Variants in MAN1A1 observed in about 807,000 individuals in gnomAD.
MAN1A1 encodes mannosyl-oligosaccharide 1,2-alpha-mannosidase IA.
A neutral mutation model predicts 70.8 loss-of-function variants in MAN1A1; 29 were observed. That is an observed-to-expected ratio of 0.41 (90% CI 0.31 to 0.56). The LOEUF (loss-of-function observed/expected upper bound fraction) is 0.56. Among genes scored for constraint, MAN1A1 ranks in the 20% least tolerant of loss-of-function variants. MAN1A1 has a pLI of 0.29. For missense variants in MAN1A1, 747 were observed against 841.3 expected (o/e 0.89, Z 1.39); for synonymous variants, 349 against 330.1 (o/e 1.06, Z -0.62).
chr6:119,275,048 A>G (rs1436327626), intron 5 of MAN1A1, among the ~76,000 whole-genome samples: 2 of 152,134 alleles, frequency 1.3e-5, no homozygotes, highest in African/African-American at 2.4e-5. Context: ...TTTAGTTTTC[A>G]TAACTTAATT....
At chr6:119,210,922 C>T (rs764352406) in intron 6 of MAN1A1, 1 of 456,186 alleles carries the variant, frequency 2.2e-6, no homozygotes, top group South Asian at 1.6e-5. Context: ...TGGGATATTG[C>T]ACATCCACCT....
intron 2 of MAN1A1, among the ~76,000 whole-genome samples, chr6:119,325,611 T>C (rs559925144): frequency 1.3e-5 from 2 of 152,160 alleles, no homozygotes; most frequent in South Asian, 4.2e-4. Context: ...GAGTTGAGAT[T>C]GCACCACTGC....
At chr6:119,295,964 C>T (rs893614117) in intron 4 of MAN1A1, among the ~76,000 whole-genome samples, 21 of 152,156 alleles carry the variant, frequency 1.4e-4, no homozygotes, top group Non-Finnish European at 2.8e-4. Context: ...CAACATGAGA[C>T]TTTTCAAAAC....
intron 2 of MAN1A1, among the ~76,000 whole-genome samples, chr6:119,314,167 G>A (rs1273258649): frequency 2.0e-5 from 3 of 152,164 alleles, no homozygotes; most frequent in Admixed American, 2.0e-4. Flanking sequence ...CTGCCCTTCA[G>A]GGCCAGCTTC....
chr6:119,291,720 T>C (rs1367209440), intron 4 of MAN1A1, among the ~76,000 whole-genome samples: 1 of 152,026 alleles, frequency 6.6e-6, no homozygotes, highest in Non-Finnish European at 1.5e-5. Context: ...TTTCCAACTT[T>C]TTGCCTTTGG....
At chr6:119,346,435 T>C (rs1773731390) in intron 2 of MAN1A1, among the ~76,000 whole-genome samples, 1 of 152,250 alleles carries the variant, frequency 6.6e-6, no homozygotes, top group Non-Finnish European at 1.5e-5. Context: ...GCTGGCTCTT[T>C]TGGGTTCTCA....
At chr6:119,250,788 T>C (rs766192184) in intron 5 of MAN1A1, among the ~76,000 whole-genome samples, 5 of 152,196 alleles carry the variant, frequency 3.3e-5, no homozygotes, top group Non-Finnish European at 7.3e-5. Context: ...CATTCTCAAA[T>C]TCAACCTTCT....
intron 6 of MAN1A1, among the ~76,000 whole-genome samples, chr6:119,242,134 G>GACACACAC (rs139698571): frequency 6.6e-6 from 1 of 150,526 alleles, no homozygotes; most frequent in Non-Finnish European, 1.5e-5. Context: ...CAGACAGACA[G>GACACACAC]ACACACACAC....
intron 11 of MAN1A1, among the ~76,000 whole-genome samples, chr6:119,181,167 G>A (rs866649467): frequency 1.3e-5 from 2 of 152,136 alleles, no homozygotes; most frequent in Admixed American, 6.5e-5. Context: ...CTAAGTAGAT[G>A]CAAAAGAGAC....
At chr6:119,336,981 A>G (rs916456281) in intron 2 of MAN1A1, among the ~76,000 whole-genome samples, 1 of 152,252 alleles carries the variant, frequency 6.6e-6, no homozygotes, top group African/African-American at 2.4e-5. Context: ...CTGTAGATAT[A>G]AACACTTTTC....
At chr6:119,232,290 G>A (rs1401050838) in intron 6 of MAN1A1, among the ~76,000 whole-genome samples, 2 of 149,840 alleles carry the variant, frequency 1.3e-5, no homozygotes, top group East Asian at 4.0e-4. Context: ...AGAGAATGGA[G>A]TGAACCTGGG....
At chr6:119,210,714 T>G (rs1042237389) in intron 6 of MAN1A1, among the ~76,000 whole-genome samples, 1 of 152,200 alleles carries the variant, frequency 6.6e-6, no homozygotes, top group African/African-American at 2.4e-5. Flanking sequence ...TCATTTCTTT[T>G]TAAAGCTAAC....
intron 2 of MAN1A1, among the ~76,000 whole-genome samples, chr6:119,318,044 A>T (rs901052476): frequency 1.3e-4 from 20 of 152,342 alleles, no homozygotes; most frequent in African/African-American, 4.8e-4. Context: ...TTATCTGGGC[A>T]TAACAATAAT....
At chr6:119,269,612 C>T (rs1013303429) in intron 5 of MAN1A1, 7 of 173,018 alleles carry the variant, frequency 4.0e-5, no homozygotes, top group Non-Finnish European at 6.4e-5. Flanking sequence ...TTGCAGTGCA[C>T]GACCACCACC....
chr6:119,218,378 T>A (rs1582706386), intron 6 of MAN1A1, among the ~76,000 whole-genome samples: 2 of 152,168 alleles, frequency 1.3e-5, no homozygotes, highest in East Asian at 3.8e-4. Context: ...AAAGTTATAG[T>A]AGTATATACA....
chr6:119,193,271 C>T (rs1297594281), intron 9 of MAN1A1, among the ~76,000 whole-genome samples: 1 of 152,072 alleles, frequency 6.6e-6, no homozygotes, highest in Non-Finnish European at 1.5e-5. Flanking sequence ...TCTTACTTCT[C>T]CACTGTAAAG....
At chr6:119,320,085 T>A (rs2114474991) in intron 2 of MAN1A1, among the ~76,000 whole-genome samples, 1 of 152,296 alleles carries the variant, frequency 6.6e-6, no homozygotes, top group Non-Finnish European at 1.5e-5. Flanking sequence ...GTGATTCTTC[T>A]GCTTCAGCCT....
intron 6 of MAN1A1, among the ~76,000 whole-genome samples, chr6:119,226,426 C>T (rs995036621): frequency 2.0e-5 from 3 of 152,164 alleles, no homozygotes; most frequent in African/African-American, 7.2e-5. Flanking sequence ...CATGCCCAAT[C>T]TTTGTTCCAG....
At chr6:119,245,812 A>T (rs1197634704) in intron 6 of MAN1A1, among the ~76,000 whole-genome samples, 1 of 152,188 alleles carries the variant, frequency 6.6e-6, no homozygotes, top group East Asian at 1.9e-4. Flanking sequence ...AAAATGACAC[A>T]TTATTTTTCA....
Sources: gnomAD v4.1 joint callset for allele counts (sites outside exome capture counted in the v4.1 genomes callset) on GRCh38, gnomAD v4.1.1 for gene constraint, MANE v1.5 for transcripts, NCBI Gene and HGNC (gene_info 2026-07-23, HGNC 2026-07-21) for gene names.